Variants in CHD6 observed in about 807,000 individuals in gnomAD.
CHD6 encodes chromodomain helicase DNA binding protein 6, also known as ATP-dependent chromatin remodeler CHD6.
Under a neutral mutation model 276.9 loss-of-function variants are expected in CHD6, and 50 were observed. The ratio of observed to expected loss-of-function variants is 0.18; its 90% CI spans 0.14 to 0.23. The LOEUF is 0.23. CHD6 is among the 10% of genes least tolerant of loss of function. The pLI, the probability that CHD6 is intolerant of heterozygous loss-of-function variation, is 1.00. For missense variants in CHD6, 2,564 were observed against 3,365.8 expected, an observed-to-expected ratio of 0.76 and a Z score of 5.89; for synonymous variants, 1,173 against 1,229.3, an observed-to-expected ratio of 0.95 and a Z score of 0.96.
chr20:41,575,306 G>C (rs1168810988), intron 1 of CHD6, among the ~76,000 whole-genome samples: 2 of 151,966 alleles, frequency 1.3e-5, no homozygotes, highest in Admixed American at 1.3e-4. Flanking sequence ...TTCTTTCCTT[G>C]CTTTGTACAT....
intron 1 of CHD6, among the ~76,000 whole-genome samples, chr20:41,589,598 T>G (rs2045633982): frequency 6.6e-6 from 1 of 152,178 alleles, no homozygotes; most frequent in Non-Finnish European, 1.5e-5. Context: ...AGCCAAATTA[T>G]GAGTGAACTC....
At chr20:41,530,051 A>G (rs1010147407) in intron 3 of CHD6, among the ~76,000 whole-genome samples, 2 of 152,218 alleles carry the variant, frequency 1.3e-5, no homozygotes, top group Admixed American at 1.3e-4. Context: ...TGGAGCACAC[A>G]TGGCCCAGCA....
In CHD6 at chr20:41,473,739, A is replaced by C. The variant is rs193190537; in HGVS notation, c.2469-222T>G. Reference sequence around the variant, plus strand: ...CCCCCCTCTCAAAACAGAACAAAACAAAAAAACAAAACAAAGCAAAAAAAA... The same window carrying C: ...CCCCCCTCTCAAAACAGAACAAAACCAAAAAACAAAACAAAGCAAAAAAAA... On this transcript the variant is annotated intron_variant, in intron 16 of 36. Transcript: ENST00000373233. This position sits in a 1 kb window ranked among gnomAD's most constrained non-coding sequence, Gnocchi z 4.1. Among the ~76,000 whole-genome samples the C allele has an allele frequency of 6.4e-3, 967 of 152,062 alleles. 5 individuals are homozygous for C. The highest frequency in any genetic ancestry group is 0.011 in the Non-Finnish European group (739 of 67,964).
chr20:41,411,892 T>C (rs553561211), intron 36 of CHD6, among the ~76,000 whole-genome samples: 2 of 152,312 alleles, frequency 1.3e-5, no homozygotes, highest in East Asian at 1.9e-4. Context: ...AACCCAAGTT[T>C]TGGCAATGGT....
chr20:41,418,872 C>G (rs1251266230), intron 31 of CHD6, among the ~76,000 whole-genome samples: 4 of 152,206 alleles, frequency 2.6e-5, no homozygotes, highest in African/African-American at 9.6e-5. Context: ...ATTAAGGTCA[C>G]TGCTCCCTCT....
chr20:41,539,762 A>G (rs2044905266), intron 2 of CHD6, among the ~76,000 whole-genome samples: 1 of 152,244 alleles, frequency 6.6e-6, no homozygotes, highest in Non-Finnish European at 1.5e-5. Flanking sequence ...TATCTGATAC[A>G]CAATTGTGTT....
chr20:41,565,091 T>A (rs1318394718), intron 1 of CHD6, among the ~76,000 whole-genome samples: 1 of 151,368 alleles, frequency 6.6e-6, no homozygotes. Context: ...AAAATGAAGA[T>A]AATGGATTTT....
At chr20:41,549,733 T>C (rs918720686) in intron 2 of CHD6, among the ~76,000 whole-genome samples, 4 of 152,108 alleles carry the variant, frequency 2.6e-5, no homozygotes, top group South Asian at 2.1e-4. Context: ...AATGTACAGA[T>C]TGCTTTAAGA....
rs748352767 is a variant in CHD6 at position 41,451,990 on chromosome 20, C to T, written c.3359G>A (p.Arg1120Gln). The T allele has an allele frequency of 3.7e-6, 6 of 1,613,984 alleles. No homozygotes were observed. The highest frequency in any genetic ancestry group is 1.7e-5 in the Admixed American group (1 of 60,012). Residue 1120 changes from arginine (R) to glutamine (Q), a missense_variant, in exon 22 of 37, where the codon CGA becomes CAA. By Grantham distance (43) the Arg-to-Gln change is conservative. Coordinates refer to ENST00000373233, the MANE Select transcript of CHD6 (RefSeq NM_032221.5). ...CTTCTCGTTCAGATGCCACTTGAAT[C>T]GGCCATGAGTCAGGATGTCCTTCCA... is the stretch of plus-strand genomic sequence containing the variant. ...GRWKDILTHG[R>Q]FKWHLNEKDM...
Position 41,533,502 on chromosome 20 carries a change from A to G in CHD6, c.102T>C (p.Ser34=). Residue 34 remains serine, a synonymous_variant, in exon 3 of 37, where the codon TCT becomes TCC. Transcript: ENST00000373233. ...SDASVNFDYK[S]PSPFDCSTDQ... ...CAGTGCTGCAGTCAAATGGGGATGG[A>G]GATTTGTAGTCAAAATTGACAGAGG... is the stretch of plus-strand genomic sequence containing the variant. 1.2e-6 allele frequency: 2 copies of G among 1,613,800 alleles called. No individual in the cohort carries two copies. The highest frequency in any genetic ancestry group is 1.7e-6 in the Non-Finnish European group (2 of 1,179,958).
At chr20:41,498,120 T>G in intron 7 of CHD6, 48 bp downstream of exon 7, 1 of 1,323,990 alleles carries the variant, frequency 7.6e-7, no homozygotes, top group Non-Finnish European at 1.1e-6. Flanking sequence ...GAAAAAAAGT[T>G]TTATTCATAT....
At chr20:41,591,411 T>C (rs112230645) in intron 1 of CHD6, among the ~76,000 whole-genome samples, 52,860 of 148,396 alleles carry the variant, frequency 0.36, 11,970 homozygotes, top group African/African-American at 0.63. Flanking sequence ...CACACACATA[T>C]ATATATACAT....
intron 17 of CHD6, among the ~76,000 whole-genome samples, chr20:41,460,189 AG>A (rs1332151391): frequency 9.2e-5 from 14 of 152,248 alleles, no homozygotes; most frequent in African/African-American, 3.4e-4. Context: ...AAAGCATTCA[AG>A]GGGTGACTTA....
At chr20:41,453,025 T>G (rs540118600) in intron 20 of CHD6, 83 bp from the exon 21 acceptor site, 2 of 1,125,616 alleles carry the variant, frequency 1.8e-6, no homozygotes, top group African/African-American at 1.5e-5. Flanking sequence ...TCAGGACACA[T>G]TTGGGATAGA....
rs555062760 is a variant in CHD6 at position 41,430,340 on chromosome 20, T to C, written c.4069-4187A>G. ...GTAATTCCAGAGTTTAACTCTAATA[T>C]ATAAGAGCGCTTAAGTTATTTTTAT... is the stretch of plus-strand genomic sequence containing the variant. On this transcript the variant is annotated intron_variant, in intron 27 of 36. Coordinates refer to ENST00000373233, the MANE Select transcript of CHD6 (RefSeq NM_032221.5). Among the ~76,000 whole-genome samples, 4 of 152,362 alleles carry C rather than the reference T, an allele frequency of 2.6e-5. No individual in the cohort carries two copies. The South Asian group carries it at 6.2e-4, about 24-fold the overall frequency.
At chr20:41,532,925 G>T in intron 3 of CHD6, 125 bp downstream of exon 3, 2 of 1,072,108 alleles carry the variant, frequency 1.9e-6, no homozygotes, top group Non-Finnish European at 2.6e-6. Context: ...CTATACAGGT[G>T]AGATGTGAAG....
chr20:41,468,586 T>A (rs1340917151), intron 17 of CHD6, among the ~76,000 whole-genome samples: 1 of 152,224 alleles, frequency 6.6e-6, no homozygotes. Flanking sequence ...GTCCCAGTGA[T>A]CAAGAGATAG....
At chr20:41,517,357 A>T (rs1355608836) in intron 3 of CHD6, among the ~76,000 whole-genome samples, 2 of 152,174 alleles carry the variant, frequency 1.3e-5, no homozygotes, top group East Asian at 3.9e-4. Flanking sequence ...GGGATGAAAT[A>T]ATCTATACAA....
chr20:41,600,285 C>T (rs868305388), intron 1 of CHD6, among the ~76,000 whole-genome samples: 19 of 152,154 alleles, frequency 1.2e-4, no homozygotes, highest in African/African-American at 4.6e-4. Context: ...TCAATGCCTC[C>T]CAACAATTTG....
Sources: gnomAD v4.1 joint callset for allele counts (sites outside exome capture counted in the v4.1 genomes callset) on GRCh38, gnomAD v4.1.1 for gene constraint, Gnocchi (gnomAD v3.1) non-coding constraint, MANE v1.5 for transcripts, NCBI Gene and HGNC (gene_info 2026-07-23, HGNC 2026-07-21) for gene names.